LRRC7: variants seen among roughly 807,000 people sequenced by gnomAD.
LRRC7 encodes leucine rich repeat containing 7, also known as leucine-rich repeat-containing protein 7.
In LRRC7, 23 loss-of-function variants were observed where a neutral mutation model predicts 175.7. The observed-to-expected ratio is 0.13, with a 90% CI of 0.09 to 0.19. The LOEUF (loss-of-function observed/expected upper bound fraction) is 0.19, where lower values mean the gene tolerates loss of function less well. LRRC7 is among the 10% of genes least tolerant of loss of function. The pLI is 1.00. For missense variants in LRRC7, 1,354 were observed against 1,904.7 expected (o/e 0.71, Z 5.38); for synonymous variants, 685 against 680.9 (o/e 1.01, Z -0.09).
chr1:70,141,901 G>C lies in LRRC7; in HGVS notation c.*20014G>C, dbSNP rs1234815915. On this transcript the variant is annotated 3_prime_UTR_variant, in exon 27 of 27. Transcript: ENST00000651989. ...AAATAATGAGGTTAAATAATGCCCA[G>C]GTATGCAGGTCAATTGACCTTTTTA... The C allele has an allele frequency of 6.6e-6, 1 of 152,038 alleles. No individual in the cohort carries two copies. The highest frequency in any genetic ancestry group is 1.5e-5 in the Non-Finnish European group (1 of 67,966). The allele number at this position is 152,038 out of a possible 1,614,324, so 9.4% of individuals were successfully genotyped here. A position where few individuals can be genotyped will look rare whatever the true frequency, so the allele number is the denominator to read the frequency against.
At position 70,038,681 on chromosome 1, in the gene LRRC7, C is replaced by T. The variant is rs560442756; in HGVS notation, c.2857C>T (p.Arg953Cys). Residue 953 changes from arginine to cysteine, a missense_variant, in exon 21 of 27, where the codon CGC becomes TGC. Physicochemically the swap from Arg to Cys is radical, Grantham distance 180. This residue lies in a region of LRRC7 where 1,032 missense variants were observed against 1,227.2 expected (regional missense o/e 0.84). Coordinates refer to ENST00000651989, the MANE Select transcript of LRRC7 (RefSeq NM_001370785.2). ...TAATGTCTTTTCTCAAATCCACTGC[C>T]GCCCGGAATCTTCTAAAGGTGTTAT... ...LSNVFSQIHC[R>C]PESSKGVISI... The T allele has an allele frequency of 1.1e-4, 185 of 1,614,074 alleles. 1 individual carries two copies. The highest frequency in any genetic ancestry group is 6.6e-4 in the Middle Eastern group (4 of 6,060).
chr1:69,797,129 T>C (rs183444583), intron 4 of LRRC7, among the ~76,000 whole-genome samples: 20 of 152,222 alleles, frequency 1.3e-4, no homozygotes, highest in African/African-American at 4.6e-4. Context: ...TTTAAAAATA[T>C]ATAATGTGTA....
chr1:70,070,656 A>G (rs1359580838), intron 23 of LRRC7, among the ~76,000 whole-genome samples: 4 of 152,028 alleles, frequency 2.6e-5, no homozygotes, highest in Non-Finnish European at 5.9e-5. Flanking sequence ...TAGAAATCCA[A>G]TTTTCCAATT....
At chr1:69,934,494 C>T (rs1309719119) in intron 8 of LRRC7, among the ~76,000 whole-genome samples, 11 of 46,574 alleles carry the variant, frequency 2.4e-4, no homozygotes, top group East Asian at 7.5e-4. Flanking sequence ...GATATTTTGG[C>T]GGGGGGGGGG....
At chr1:69,633,308 TGTTA>T (rs1652800276) in intron 1 of LRRC7, among the ~76,000 whole-genome samples, 2 of 152,158 alleles carry the variant, frequency 1.3e-5, no homozygotes, top group Non-Finnish European at 2.9e-5. Flanking sequence ...GTCCTGTTAT[TGTTA>T]AAGATTAATG....
At chr1:69,619,455 G>A (rs1241207763) in intron 1 of LRRC7, among the ~76,000 whole-genome samples, 1 of 152,066 alleles carries the variant, frequency 6.6e-6, no homozygotes, top group African/African-American at 2.4e-5. Flanking sequence ...TGAAGAAATG[G>A]GAACTACATG....
At chr1:69,893,671 T>C (rs1645899370) in intron 7 of LRRC7, among the ~76,000 whole-genome samples, 3 of 152,240 alleles carry the variant, frequency 2.0e-5, no homozygotes, top group South Asian at 2.1e-4. Flanking sequence ...AATGTTTCTA[T>C]ATGTAACCAC....
Position 69,568,007 on chromosome 1 carries a change from C to G in LRRC7, c.-633C>G, listed in dbSNP as rs1400687965. Reference sequence around the variant, plus strand: ...CACCGGGCTTGAAGCCACGGACACCCAGCCCCAGTGCAGCGGGTTCTCGCC... The same window carrying G: ...CACCGGGCTTGAAGCCACGGACACCGAGCCCCAGTGCAGCGGGTTCTCGCC... On this transcript the variant is annotated 5_prime_UTR_variant, in exon 1 of 27. Transcript: ENST00000651989. Among the ~76,000 whole-genome samples the G allele has an allele frequency of 1.3e-5, 2 of 152,134 alleles. No individual in the cohort carries two copies. The highest frequency in any genetic ancestry group is 2.9e-5 in the Non-Finnish European group (2 of 68,028).
intron 7 of LRRC7, among the ~76,000 whole-genome samples, chr1:69,892,002 G>T (rs573611283): frequency 2.0e-5 from 3 of 152,180 alleles, no homozygotes; most frequent in South Asian, 2.1e-4. Context: ...GAAGTGATGG[G>T]TATCTTTATT....
chr1:69,743,176 T>A (rs908359590), intron 2 of LRRC7, among the ~76,000 whole-genome samples: 4 of 152,042 alleles, frequency 2.6e-5, no homozygotes, highest in African/African-American at 9.7e-5. Context: ...TCTAGAATTG[T>A]CTGTGTTAGT....
chr1:69,790,341 G>A (rs72941476), intron 3 of LRRC7, among the ~76,000 whole-genome samples: 9,539 of 152,024 alleles, frequency 0.063, 323 homozygotes, highest in South Asian at 0.11. Context: ...GTTACAGGCT[G>A]TTCAGAAGTT....
At chr1:69,928,112 A>C (rs1162426778) in intron 7 of LRRC7, among the ~76,000 whole-genome samples, 1 of 152,096 alleles carries the variant, frequency 6.6e-6, no homozygotes, top group African/African-American at 2.4e-5. Flanking sequence ...GTGGCTGCAC[A>C]ACAGCGGATT....
rs777610519 is a variant in LRRC7 at position 70,023,323 on chromosome 1, A to T, written c.1743A>T (p.Pro581=). The T allele has an allele frequency of 3.7e-6, 6 of 1,612,602 alleles. No individual in the cohort carries two copies. The highest frequency in any genetic ancestry group is 4.5e-5 in the East Asian group (2 of 44,830). The change falls in exon 17 of 27, where the codon CCA becomes CCT. Residue 581 remains proline (P), a synonymous_variant. Transcript: ENST00000651989. Reference sequence around the variant, plus strand: ...AGCAGGAAAGGAGCATGTGTACTCCATTGCCAGTTGCAGCACAATCCACCA... The same window carrying T: ...AGCAGGAAAGGAGCATGTGTACTCCTTTGCCAGTTGCAGCACAATCCACCA... ...GLQQERSMCT[P]LPVAAQSTTL...
chr1:69,922,764 G>A (rs1410173979), intron 7 of LRRC7, among the ~76,000 whole-genome samples: 3 of 151,834 alleles, frequency 2.0e-5, no homozygotes, highest in African/African-American at 7.3e-5. Context: ...ATTGGTCATA[G>A]CATCCACCTC....
chr1:70,021,465 A>AT lies in LRRC7; in HGVS notation c.1545+344dup, dbSNP rs1232890254. On this transcript the variant is annotated intron_variant, in intron 16 of 26. Transcript: ENST00000651989. Reference sequence around the variant, plus strand: ...TGTTGACATGCTACACACTACGATGATTTTTTTTAATCACTGAGCAAAGCG... The same window carrying AT: ...TGTTGACATGCTACACACTACGATGATTTTTTTTTAATCACTGAGCAAAGCG... 14 of 173,890 alleles carry AT rather than the reference A, an allele frequency of 8.1e-5. No individual in the cohort carries two copies. The East Asian group carries it at 1.2e-3, about 14-fold the overall frequency. 10.8% of individuals were successfully genotyped at this position (173,890 alleles called of 1,614,324 possible).
chr1:69,614,481 T>A (rs372445886), intron 1 of LRRC7, among the ~76,000 whole-genome samples: 31 of 152,178 alleles, frequency 2.0e-4, no homozygotes, highest in East Asian at 9.7e-4. Flanking sequence ...AGCTGGGGAA[T>A]GTGTTCATTT....
chr1:69,599,348 A>G (rs12122895), intron 1 of LRRC7, among the ~76,000 whole-genome samples: 38,471 of 152,080 alleles, frequency 0.25, 5,422 homozygotes, highest in East Asian at 0.36. Context: ...GTCTGTGAGC[A>G]TATGTGCAGG....
At chr1:70,000,633 G>A (rs1655434134) in intron 11 of LRRC7, among the ~76,000 whole-genome samples, 1 of 152,106 alleles carries the variant, frequency 6.6e-6, no homozygotes, top group Admixed American at 6.6e-5. Context: ...GCTTTTCCCT[G>A]TCTCAGGGCT....
chr1:69,734,886 C>T (rs1226770949), intron 2 of LRRC7, among the ~76,000 whole-genome samples: 1 of 151,560 alleles, frequency 6.6e-6, no homozygotes. Context: ...AGATAAATAG[C>T]ATGTTTATTC....
Sources: allele counts gnomAD v4.1 joint callset (sites outside exome capture counted in the v4.1 genomes callset), GRCh38; gene constraint gnomAD v4.1.1; regional missense constraint gnomAD v4.1.1; transcripts MANE v1.5; gene names NCBI Gene and HGNC (gene_info 2026-07-23, HGNC 2026-07-21).